Variants in HS3ST5 observed in about 807,000 individuals in gnomAD.
HS3ST5 encodes heparan sulfate-glucosamine 3-sulfotransferase 5, also known as heparan sulfate glucosamine 3-O-sulfotransferase 5.
HS3ST5 carries 10 observed loss-of-function variants against 25.4 expected under a neutral mutation model. That is an observed-to-expected ratio of 0.39 (90% CI 0.24 to 0.67). HS3ST5 has a LOEUF of 0.67. Ranked by LOEUF, HS3ST5 falls within the 30% of genes least tolerant of loss-of-function variation. The probability of loss-of-function intolerance (pLI) is 0.44; values close to 1 mark genes in which losing one functional copy is unlikely to be tolerated. For missense variants in HS3ST5, 324 were observed against 420.7 expected, an observed-to-expected ratio of 0.77 and a Z score of 2.01; for synonymous variants, 170 against 162.4, an observed-to-expected ratio of 1.05 and a Z score of -0.36.
At chr6:114,189,813 T>G (rs1053199434) in intron 2 of HS3ST5, among the ~76,000 whole-genome samples, 4 of 152,198 alleles carry the variant, frequency 2.6e-5, no homozygotes, top group African/African-American at 4.8e-5. Flanking sequence ...TGATCCACTG[T>G]TATCTCCTCA....
chr6:114,199,290 C>A (rs1780905064), intron 2 of HS3ST5, among the ~76,000 whole-genome samples: 1 of 152,104 alleles, frequency 6.6e-6, no homozygotes, highest in Admixed American at 6.5e-5. Context: ...AGGATGCCAG[C>A]ACAGGATAAT....
At chr6:114,320,611 G>A (rs541346270) in intron 1 of HS3ST5, among the ~76,000 whole-genome samples, 9 of 152,062 alleles carry the variant, frequency 5.9e-5, no homozygotes, top group African/African-American at 1.9e-4. Context: ...TAGCAGTATC[G>A]GGGTGTAGGG....
At chr6:114,119,233 G>T (rs1776670208) in intron 3 of HS3ST5, among the ~76,000 whole-genome samples, 1 of 152,182 alleles carries the variant, frequency 6.6e-6, no homozygotes, top group Non-Finnish European at 1.5e-5. Context: ...TTATTTCATA[G>T]GGGTGAGTCA....
intron 2 of HS3ST5, among the ~76,000 whole-genome samples, chr6:114,223,151 T>C (rs1476418673): frequency 6.6e-6 from 1 of 151,740 alleles, no homozygotes; most frequent in Non-Finnish European, 1.5e-5. Context: ...TTTTGAATAT[T>C]TTTTTCATTT....
At chr6:114,195,315 A>G (rs548953508) in intron 2 of HS3ST5, among the ~76,000 whole-genome samples, 1 of 152,234 alleles carries the variant, frequency 6.6e-6, no homozygotes, top group Non-Finnish European at 1.5e-5. Flanking sequence ...TAAATCCTGT[A>G]TGCTGGAGAA....
At chr6:114,317,330 A>G (rs1002361980) in intron 1 of HS3ST5, among the ~76,000 whole-genome samples, 3 of 152,126 alleles carry the variant, frequency 2.0e-5, no homozygotes, top group African/African-American at 7.2e-5. Flanking sequence ...TCCCCAAATG[A>G]TCTCCGCTTC....
At chr6:114,169,027 T>G (rs1779346602) in intron 2 of HS3ST5, among the ~76,000 whole-genome samples, 1 of 152,050 alleles carries the variant, frequency 6.6e-6, no homozygotes. Flanking sequence ...ACTAAAGTGT[T>G]GTATTAGTGG....
At chr6:114,097,900 G>C (rs1374469602) in intron 3 of HS3ST5, among the ~76,000 whole-genome samples, 1 of 151,872 alleles carries the variant, frequency 6.6e-6, no homozygotes, top group African/African-American at 2.4e-5. Flanking sequence ...AATTTTGTGG[G>C]CTGGCAAATA....
Position 114,149,881 on chromosome 6 carries a change from G to T in HS3ST5, c.-33+18470C>A, listed in dbSNP as rs377204341. ...CAACTATTCAAAAGTAGTCCTGAAT[G>T]ATTTAAAATACTGTCCAAAATTGTG... is the stretch of plus-strand genomic sequence containing the variant. On this transcript the variant is annotated intron_variant, in intron 3 of 4. Transcript: ENST00000312719. 2.7e-4 allele frequency among the ~76,000 whole-genome samples: 41 copies of T among 152,294 alleles called. 1 individual carries two copies. Among genetic ancestry groups the T allele is most frequent in the African/African-American group, 9.6e-4 (40 of 41,564 alleles).
intron 1 of HS3ST5, among the ~76,000 whole-genome samples, chr6:114,281,181 T>C (rs1774092370): frequency 6.6e-6 from 1 of 152,024 alleles, no homozygotes; most frequent in Admixed American, 6.6e-5. Context: ...TATCTCAGTG[T>C]TTCACTTACT....
At chr6:114,151,606 G>C (rs748401834) in intron 3 of HS3ST5, among the ~76,000 whole-genome samples, 1 of 152,138 alleles carries the variant, frequency 6.6e-6, no homozygotes, top group Non-Finnish European at 1.5e-5. Flanking sequence ...CTGGTAAATG[G>C]GATTCCAGTT....
At chr6:114,249,237 C>T (rs1372607317) in intron 1 of HS3ST5, among the ~76,000 whole-genome samples, 2 of 152,190 alleles carry the variant, frequency 1.3e-5, no homozygotes, top group Non-Finnish European at 2.9e-5. Flanking sequence ...AGATTCAGCA[C>T]ATATGCACTA....
chr6:114,215,426 T>C (rs868120962), intron 2 of HS3ST5, among the ~76,000 whole-genome samples: 2 of 152,144 alleles, frequency 1.3e-5, no homozygotes, highest in Non-Finnish European at 2.9e-5. Context: ...CTACAAGTGA[T>C]TGATGAGTGT....
intron 1 of HS3ST5, among the ~76,000 whole-genome samples, chr6:114,329,643 G>A (rs551727031): frequency 5.1e-4 from 77 of 152,266 alleles, no homozygotes; most frequent in Admixed American, 1.4e-3. Flanking sequence ...AACAAAGTAA[G>A]CACAGCAGGA....
At chr6:114,131,508 G>T (rs1434352829) in intron 3 of HS3ST5, among the ~76,000 whole-genome samples, 3 of 152,116 alleles carry the variant, frequency 2.0e-5, no homozygotes. Context: ...AAAAGAATAT[G>T]CCATATAGAG....
At chr6:114,332,273 C>A (rs895832682) in intron 1 of HS3ST5, among the ~76,000 whole-genome samples, 1 of 152,122 alleles carries the variant, frequency 6.6e-6, no homozygotes, top group African/African-American at 2.4e-5. Flanking sequence ...CCCTGCTCCA[C>A]CAGGCACATT....
chr6:114,309,605 C>T (rs1775446982), intron 1 of HS3ST5, among the ~76,000 whole-genome samples: 1 of 152,046 alleles, frequency 6.6e-6, no homozygotes, highest in African/African-American at 2.4e-5. Context: ...TGGTGGTGTG[C>T]ATCTGTAATC....
chr6:114,194,873 C>A (rs1780665424), intron 2 of HS3ST5, among the ~76,000 whole-genome samples: 2 of 152,222 alleles, frequency 1.3e-5, no homozygotes, highest in Non-Finnish European at 2.9e-5. Context: ...TTGTCCCACC[C>A]TCAAAGCAGT....
intron 2 of HS3ST5, among the ~76,000 whole-genome samples, chr6:114,199,115 C>T (rs971795629): frequency 5.9e-5 from 9 of 151,944 alleles, no homozygotes; most frequent in African/African-American, 2.2e-4. Flanking sequence ...AATATTGATG[C>T]CATTATTATG....
Sources: gnomAD v4.1 joint callset for allele counts (sites outside exome capture counted in the v4.1 genomes callset) on GRCh38, gnomAD v4.1.1 for gene constraint, MANE v1.5 for transcripts, NCBI Gene and HGNC (gene_info 2026-07-23, HGNC 2026-07-21) for gene names.